EPHB2: variants seen among roughly 807,000 people sequenced by gnomAD.
EPHB2 encodes the protein EPH receptor B2.
EPHB2 carries 18 observed loss-of-function variants against 96.4 expected under a neutral mutation model. The observed-to-expected ratio is 0.19, with a 90% confidence interval of 0.13 to 0.28. The LOEUF (loss-of-function observed/expected upper bound fraction) is 0.28. Ranked by LOEUF, EPHB2 falls within the 10% of genes least tolerant of loss-of-function variation. EPHB2 has a pLI of 1.00. For synonymous variants in EPHB2, 506 were observed against 534.1 expected, an observed-to-expected ratio of 0.95 and a Z score of 0.72; for missense variants, 989 against 1,355.4, an observed-to-expected ratio of 0.73 and a Z score of 4.25.
chr1:22,880,153 G>T (rs192225064), intron 5 of EPHB2, among the ~76,000 whole-genome samples: 6 of 152,250 alleles, frequency 3.9e-5, no homozygotes, highest in South Asian at 2.1e-4. Flanking sequence ...GAGGAAGCCA[G>T]GTCCAGAGGG....
chr1:22,778,271 C>G (rs1232878830), intron 1 of EPHB2, among the ~76,000 whole-genome samples: 3 of 151,914 alleles, frequency 2.0e-5, no homozygotes, highest in Non-Finnish European at 4.4e-5. Context: ...AGTGATCTCC[C>G]CCCCTCAAAA....
chr1:22,770,499 G>A (rs910519334), intron 1 of EPHB2, among the ~76,000 whole-genome samples: 2 of 152,158 alleles, frequency 1.3e-5, no homozygotes, highest in African/African-American at 4.8e-5. Context: ...ACCCCAGCTT[G>A]GACTTACAGT....
chr1:22,741,222 G>A (rs938915269), intron 1 of EPHB2, among the ~76,000 whole-genome samples: 2 of 151,876 alleles, frequency 1.3e-5, no homozygotes, highest in Non-Finnish European at 2.9e-5. Context: ...CTTTCCCAGC[G>A]GCAGCCCTGG....
At chr1:22,798,291 G>T (rs891498669) in intron 3 of EPHB2, among the ~76,000 whole-genome samples, 5 of 152,140 alleles carry the variant, frequency 3.3e-5, no homozygotes, top group Admixed American at 3.3e-4. Flanking sequence ...CCTCTGGAGG[G>T]CTCCTGAGGG....
intron 3 of EPHB2, among the ~76,000 whole-genome samples, chr1:22,812,509 C>T (rs2119319): frequency 0.036 from 5,523 of 151,744 alleles, 314 homozygotes; most frequent in African/African-American, 0.13. Flanking sequence ...TGGGGGGACC[C>T]TCAGAATGAA....
chr1:22,873,130 C>T (rs1638726211), intron 5 of EPHB2, among the ~76,000 whole-genome samples: 2 of 152,202 alleles, frequency 1.3e-5, no homozygotes, highest in South Asian at 2.1e-4. Flanking sequence ...ACCACAAAGC[C>T]GACAGCATGG....
intron 6 of EPHB2, among the ~76,000 whole-genome samples, chr1:22,890,269 A>C (rs1639349551): frequency 6.6e-6 from 1 of 152,128 alleles, no homozygotes; most frequent in African/African-American, 2.4e-5. Flanking sequence ...ACCCACAGCA[A>C]GTGCTCTGGG....
At chr1:22,907,839 G>A in intron 11 of EPHB2, 114 bp from the exon 12 acceptor site, 1 of 1,322,266 alleles carries the variant, frequency 7.6e-7, no homozygotes, top group Non-Finnish European at 1.1e-6. Context: ...CTTCCCCAGG[G>A]GAGCCCAGAG....
chr1:22,873,743 G>T (rs543319141), intron 5 of EPHB2, among the ~76,000 whole-genome samples: 2 of 152,326 alleles, frequency 1.3e-5, no homozygotes, highest in South Asian at 4.1e-4. Flanking sequence ...AAGGTCTCTG[G>T]CTATCACATC....
chr1:22,908,494 G>A (rs941543967), intron 12 of EPHB2, among the ~76,000 whole-genome samples: 2 of 152,238 alleles, frequency 1.3e-5, no homozygotes, highest in Admixed American at 1.3e-4. Context: ...TGTTCTCATG[G>A]CAAAGTCCTG....
intron 3 of EPHB2, among the ~76,000 whole-genome samples, chr1:22,853,487 G>A (rs960689264): frequency 6.6e-6 from 1 of 152,352 alleles, no homozygotes; most frequent in East Asian, 1.9e-4. Context: ...AGTGGCAGAG[G>A]TACAGTGCCA....
intron 1 of EPHB2, among the ~76,000 whole-genome samples, chr1:22,740,985 T>A (rs1449720202): frequency 6.6e-6 from 1 of 152,072 alleles, no homozygotes; most frequent in Non-Finnish European, 1.5e-5. Context: ...AAGCCTCTCC[T>A]TGCTGACGGC....
chr1:22,811,817 T>A (rs369063084), intron 3 of EPHB2, among the ~76,000 whole-genome samples: 1 of 152,124 alleles, frequency 6.6e-6, no homozygotes, highest in Non-Finnish European at 1.5e-5. Flanking sequence ...GGCAGGAGGA[T>A]CGTGTGAGTC....
At position 22,802,262 on chromosome 1, in the gene EPHB2, G is replaced by A. The variant is rs536807788; in HGVS notation, c.811+17186G>A. ...TTCCCCATTTGAGGGTTGGAGGGTA[G>A]AGCTGGCAGCCAAGCTCAGCTGTGT... On this transcript the variant is annotated intron_variant, in intron 3 of 15. Coordinates refer to ENST00000374630, the MANE Select transcript of EPHB2 (RefSeq NM_017449.5). Among the ~76,000 whole-genome samples the A allele has an allele frequency of 1.1e-4, 17 of 152,272 alleles. No homozygotes were observed. The East Asian group carries it at 3.1e-3, about 28-fold the overall frequency.
chr1:22,826,155 G>A (rs955557430), intron 3 of EPHB2, among the ~76,000 whole-genome samples: 4 of 152,180 alleles, frequency 2.6e-5, no homozygotes, highest in Non-Finnish European at 5.9e-5. Flanking sequence ...GAGTGAGGAA[G>A]CAGGAGGCAG....
intron 1 of EPHB2, among the ~76,000 whole-genome samples, chr1:22,756,216 G>A (rs749323109): frequency 1.3e-4 from 20 of 152,240 alleles, no homozygotes; most frequent in Non-Finnish European, 2.4e-4. Context: ...CCTGGGGAGC[G>A]ACAGGCAGGC....
At chr1:22,797,164 G>A (rs958642641) in intron 3 of EPHB2, among the ~76,000 whole-genome samples, 13 of 152,162 alleles carry the variant, frequency 8.5e-5, no homozygotes, top group African/African-American at 1.7e-4. Context: ...GGGGGTCACC[G>A]GGTTGGTTTG....
At position 22,921,244 on chromosome 1, in the gene EPHB2, A is replaced by G. The variant is rs1310694728; in HGVS notation, c.*7674A>G. ...CAACCAGGGTATGGGGCTGTCTGGC[A>G]GGGTTTCCCAGAACCCTGTTTCCTG... On this transcript the variant is annotated 3_prime_UTR_variant, in exon 16 of 16. Transcript: ENST00000374630. The G allele has an allele frequency of 2.0e-5, 3 of 152,208 alleles. No homozygotes were observed. Among genetic ancestry groups the G allele is most frequent in the Admixed American group, 1.3e-4 (2 of 15,274 alleles). The allele number at this position is 152,208 out of a possible 1,614,324, so 9.4% of individuals were successfully genotyped here.
At chr1:22,851,287 C>G (rs545015360) in intron 3 of EPHB2, among the ~76,000 whole-genome samples, 1 of 152,222 alleles carries the variant, frequency 6.6e-6, no homozygotes, top group African/African-American at 2.4e-5. Flanking sequence ...TGTGAGCCAC[C>G]GTGCCCAGGC....
Sources: gnomAD v4.1 joint callset for allele counts (sites outside exome capture counted in the v4.1 genomes callset) on GRCh38, gnomAD v4.1.1 for gene constraint, MANE v1.5 for transcripts, NCBI Gene and HGNC (gene_info 2026-07-23, HGNC 2026-07-21) for gene names.